Variants in RIOK1 observed in about 807,000 individuals in gnomAD.
RIOK1 encodes the protein RIO kinase 1, also known as serine/threonine-protein kinase RIO1.
RIOK1 carries 66 observed loss-of-function variants against 73.5 expected under a neutral mutation model. The ratio of observed to expected loss-of-function variants is 0.90; its 90% CI spans 0.74 to 1.10. The LOEUF is 1.10. RIOK1 is among the 50% of genes least tolerant of loss of function. The probability of loss-of-function intolerance (pLI) is 0.00; values close to 1 mark genes in which losing one functional copy is unlikely to be tolerated. For missense variants in RIOK1, 658 were observed against 699.8 expected (o/e 0.94, Z 0.67); for synonymous variants, 224 against 226.8 (o/e 0.99, Z 0.11).
intron 8 of RIOK1, 110 bp downstream of exon 8, chr6:7,403,007 G>A (rs553021233): frequency 3.0e-5 from 25 of 839,870 alleles, no homozygotes; most frequent in African/African-American, 2.6e-4. Flanking sequence ...GACTTGTTAG[G>A]GCCTTTATTT....
In RIOK1 at chr6:7,400,943, T is replaced by G; in HGVS notation, c.481-15T>G. ...CCGTCTTTTGGAACTTTTTAATTTTTGCATTTCTTTTTAGGTGTTGGATCC... is the reference window on the plus strand; with the variant it reads ...CCGTCTTTTGGAACTTTTTAATTTTGGCATTTCTTTTTAGGTGTTGGATCC... On this transcript the variant is annotated splice_polypyrimidine_tract_variant and intron_variant, in intron 5 of 16. Coordinates refer to ENST00000379834, the MANE Select transcript of RIOK1 (RefSeq NM_031480.3). 1 of 1,543,750 alleles carries G rather than the reference T, an allele frequency of 6.5e-7. No homozygotes were observed. The highest frequency in any genetic ancestry group is 1.2e-5 in the South Asian group (1 of 85,812).
rs368341057 is a variant in RIOK1 at position 7,402,783 on chromosome 6, A to T, written c.687-34A>T. 205 of 1,603,578 alleles carry T rather than the reference A, an allele frequency of 1.3e-4. 2 individuals carry two copies. The South Asian group carries it at 2.0e-3, about 16-fold the overall frequency. Reference sequence around the variant, plus strand: ...CCTAAAACATTAAAATAATAATGGAATGATTGAAATAATAAACATTTTTCT... The same window carrying T: ...CCTAAAACATTAAAATAATAATGGATTGATTGAAATAATAAACATTTTTCT... On this transcript the variant is annotated intron_variant, in intron 7 of 16. Coordinates refer to ENST00000379834, the MANE Select transcript of RIOK1 (RefSeq NM_031480.3).
At position 7,414,190 on chromosome 6, in the gene RIOK1, TTGGTTTGTGTGTTGTTTAGAATAACA is replaced by T; in HGVS notation, c.1444-42_1444-17del. The T allele has an allele frequency of 2.0e-6, 3 of 1,525,992 alleles. No homozygotes were observed. In the South Asian group the frequency reaches 3.7e-5, roughly 19 times the overall value. The allele number at this position is 1,525,992 out of a possible 1,614,324, so 94.5% of individuals were successfully genotyped here. ...AACACATTTAACAACAACACATAAC[TTGGTTTGTGTGTTGTTTAGAATAACA>T]TGGTTCTTTAATAATTTCAAGGTCC... On this transcript the variant is annotated intron_variant, in intron 15 of 16. Coordinates refer to ENST00000379834, the MANE Select transcript of RIOK1 (RefSeq NM_031480.3).
Position 7,417,416 on chromosome 6 carries a change from C to T in RIOK1, c.1682C>T (p.Thr561Ile), listed in dbSNP as rs1295933426. ...CATGTGAAAAAAAGAAAGGAGAAGA[C>T]AGCCAAGACGAAAAAAGGCAAATAG... ...PKHVKKRKEK[T>I]AKTKKGK is the part of the protein sequence containing the mutation. The change falls in exon 17 of 17, where the codon ACA becomes ATA. Residue 561 changes from threonine (T) to isoleucine (I), a missense_variant. Thr to Ile is a moderately conservative substitution (Grantham distance 89). Transcript: ENST00000379834. 2 of 1,562,378 alleles carry T rather than the reference C, an allele frequency of 1.3e-6. No homozygotes were observed. Among genetic ancestry groups the T allele is most frequent in the East Asian group, 2.3e-5 (1 of 44,030 alleles).
At chr6:7,396,797 A>C in intron 4 of RIOK1, 25 bp downstream of exon 4, 1 of 1,270,888 alleles carries the variant, frequency 7.9e-7, no homozygotes, top group Non-Finnish European at 1.1e-6. Context: ...AATAATATGC[A>C]TGGGTGATAA....
chr6:7,412,885 T>G lies in RIOK1; in HGVS notation c.1390-4T>G. On this transcript the variant is annotated splice_region_variant and splice_polypyrimidine_tract_variant and intron_variant, in intron 14 of 16. Transcript: ENST00000379834. The stretch of plus-strand genomic sequence containing the variant: ...TATTTTTTTTTTTTCATTTTGGTTA[T>G]AAGATTCTATACCAGACTGTTACAG... 1 of 1,497,900 alleles carries G rather than the reference T, an allele frequency of 6.7e-7. No individual in the cohort carries two copies. The highest frequency in any genetic ancestry group is 1.4e-5 in the African/African-American group (1 of 69,286). The allele number at this position is 1,497,900 out of a possible 1,614,324, so 92.8% of individuals were successfully genotyped here. A position where few individuals can be genotyped will look rare whatever the true frequency, so the allele number is the denominator to read the frequency against.
chr6:7,408,311 A>G (rs1314474002), intron 12 of RIOK1, among the ~76,000 whole-genome samples: 1 of 152,252 alleles, frequency 6.6e-6, no homozygotes, highest in Non-Finnish European at 1.5e-5. Context: ...TGCTGGGATT[A>G]CAGGCATAAG....
In RIOK1 at chr6:7,414,219, G is replaced by T. The variant is rs1388753459; in HGVS notation, c.1444-19G>T. ...TTTGTGTGTTGTTTAGAATAACATGGTTCTTTAATAATTTCAAGGTCCCTG... is the reference window on the plus strand; with the variant it reads ...TTTGTGTGTTGTTTAGAATAACATGTTTCTTTAATAATTTCAAGGTCCCTG... On this transcript the variant is annotated intron_variant, in intron 15 of 16. Transcript: ENST00000379834. The T allele has an allele frequency of 1.3e-6, 2 of 1,595,150 alleles. No individual in the cohort carries two copies. Among genetic ancestry groups the T allele is most frequent in the Non-Finnish European group, 1.7e-6 (2 of 1,173,570 alleles).
At chr6:7,390,138 T>C in intron 1 of RIOK1, 65 bp downstream of exon 1, 3 of 1,333,770 alleles carry the variant, frequency 2.2e-6, no homozygotes, top group Non-Finnish European at 2.1e-6. Flanking sequence ...CCTTGGGGTG[T>C]GGACTCTTGT....
chr6:7,395,876 A>G (rs1313124819), intron 3 of RIOK1, among the ~76,000 whole-genome samples: 2 of 151,942 alleles, frequency 1.3e-5, no homozygotes, highest in African/African-American at 2.4e-5. Flanking sequence ...CACCCGGCCA[A>G]TTTTTATTTT....
intron 12 of RIOK1, among the ~76,000 whole-genome samples, chr6:7,409,347 C>T (rs372939690): frequency 6.6e-6 from 1 of 151,318 alleles, no homozygotes; most frequent in Admixed American, 6.6e-5. Flanking sequence ...CTCTGCCTCC[C>T]GGGTTCAAGT....
intron 5 of RIOK1, among the ~76,000 whole-genome samples, chr6:7,400,493 G>A (rs1489230227): frequency 6.6e-6 from 1 of 152,136 alleles, no homozygotes; most frequent in African/African-American, 2.4e-5. Flanking sequence ...GAGACTTAGT[G>A]TCAAAAACAA....
rs190767376 is a variant in RIOK1 at position 7,408,353 on chromosome 6, T to G, written c.1204-2033T>G. Among the ~76,000 whole-genome samples, 41 of 152,320 alleles carry G rather than the reference T, an allele frequency of 2.7e-4. 1 individual carries two copies. Among genetic ancestry groups the G allele is most frequent in the Middle Eastern group, 3.4e-3 (1 of 294 alleles). ...TGCCTGGCCAGGTCTTCAGGTTTTA[T>G]CCTGTCCTTTCCTCTTTTTCCATTT... is the stretch of plus-strand genomic sequence containing the variant. On this transcript the variant is annotated intron_variant, in intron 12 of 16. Coordinates refer to ENST00000379834, the MANE Select transcript of RIOK1 (RefSeq NM_031480.3).
intron 4 of RIOK1, 107 bp from the exon 5 acceptor site, chr6:7,398,591 G>A (rs540838502): frequency 2.0e-5 from 16 of 788,064 alleles, no homozygotes; most frequent in Admixed American, 4.8e-5. Context: ...CTGTTATTTA[G>A]AGAAACTACC....
intron 5 of RIOK1, 127 bp from the exon 6 acceptor site, chr6:7,400,831 C>G: frequency 1.7e-6 from 1 of 583,470 alleles, no homozygotes; most frequent in Middle Eastern, 2.6e-4. Flanking sequence ...CAAATAGTGA[C>G]TCTCATTTAG....
intron 14 of RIOK1, among the ~76,000 whole-genome samples, chr6:7,412,156 T>A (rs1399278995): frequency 6.6e-6 from 1 of 151,768 alleles, no homozygotes; most frequent in East Asian, 1.9e-4. Flanking sequence ...AGGTCAGGAG[T>A]TCGAGACCAA....
chr6:7,400,999 G>A lies in RIOK1; in HGVS notation c.522G>A (p.Leu174=). The A allele has an allele frequency of 6.2e-7, 1 of 1,611,848 alleles. No homozygotes were observed. Among genetic ancestry groups the A allele is most frequent in the Non-Finnish European group, 8.5e-7 (1 of 1,178,570 alleles). Residue 174 remains leucine (L), a synonymous_variant, in exon 6 of 17, where the codon TTG becomes TTA. Transcript: ENST00000379834. ...CAAGAATGATTTTATTCAAGATGTTGACTAGAGGAATCATAACAGAGATAA... is the reference window on the plus strand; with the variant it reads ...CAAGAATGATTTTATTCAAGATGTTAACTAGAGGAATCATAACAGAGATAA... ...PRTRMILFKM[L]TRGIITEING...
At chr6:7,415,596 C>T (rs558523621) in intron 16 of RIOK1, among the ~76,000 whole-genome samples, 10 of 152,232 alleles carry the variant, frequency 6.6e-5, no homozygotes, top group Non-Finnish European at 5.9e-5. Flanking sequence ...GGGTGAAAGA[C>T]GTAAACAAAA....
chr6:7,411,736 ATTAACATATATTTCT>A (rs1761887481), intron 14 of RIOK1, among the ~76,000 whole-genome samples: 1 of 152,258 alleles, frequency 6.6e-6, no homozygotes, highest in Non-Finnish European at 1.5e-5. Context: ...TATTAGGTCC[ATTAACATATATTTCT>A]TTAACATACA....
Sources: allele counts gnomAD v4.1 joint callset (sites outside exome capture counted in the v4.1 genomes callset), GRCh38; gene constraint gnomAD v4.1.1; transcripts MANE v1.5; gene names NCBI Gene and HGNC (gene_info 2026-07-23, HGNC 2026-07-21).